HNF1A: variants seen among roughly 807,000 people sequenced by gnomAD.
The protein encoded by HNF1A is HNF1 homeobox A, also known as hepatocyte nuclear factor 1-alpha.
HNF1A carries 21 observed loss-of-function variants against 62.2 expected under a neutral mutation model. That is an observed-to-expected ratio of 0.34 (90% CI 0.24 to 0.49). The LOEUF (loss-of-function observed/expected upper bound fraction) is 0.49, where lower values mean the gene tolerates loss of function less well. HNF1A is among the 20% of genes least tolerant of loss of function. The pLI is 0.99. For missense variants in HNF1A, 687 were observed against 832.3 expected (o/e 0.83, Z 2.15); for synonymous variants, 374 against 366.8 (o/e 1.02, Z -0.22).
Position 120,984,995 on chromosome 12 carries a change from G to GA in HNF1A, c.327-3837dup, listed in dbSNP as rs1238879477. Among the ~76,000 whole-genome samples the GA allele has an allele frequency of 4.0e-5, 6 of 150,666 alleles. No individual in the cohort carries two copies. The East Asian group carries it at 1.2e-3, about 29-fold the overall frequency. On this transcript the variant is annotated intron_variant, in intron 1 of 9. Coordinates refer to ENST00000257555, the MANE Select transcript of HNF1A (RefSeq NM_000545.8). ...GGATTTCACTCTGTCGCCAAGGCTG[G>GA]AGTGCAGTGGCGCGATCACAGCTCA...
intron 2 of HNF1A, 100 bp downstream of exon 2, chr12:120,989,132 A>T: frequency 5.3e-6 from 6 of 1,135,886 alleles, no homozygotes; most frequent in Non-Finnish European, 7.8e-6. Context: ...CATTACACAG[A>T]CAGGTAGATG....
At chr12:120,981,317 G>A (rs537352187) in intron 1 of HNF1A, among the ~76,000 whole-genome samples, 1 of 152,294 alleles carries the variant, frequency 6.6e-6, no homozygotes, top group Non-Finnish European at 1.5e-5. Context: ...GCCTCCCTGG[G>A]GTGCCCCATG....
intron 2 of HNF1A, among the ~76,000 whole-genome samples, chr12:120,990,351 G>C (rs574378709): frequency 1.3e-5 from 2 of 151,598 alleles, no homozygotes; most frequent in African/African-American, 4.9e-5. Flanking sequence ...CCATGGTCTC[G>C]ATCTCCTGAC....
At chr12:120,983,916 C>CTGTGTGTGTGTGTGTGTGTG (rs61680384) in intron 1 of HNF1A, among the ~76,000 whole-genome samples, 2,758 of 137,228 alleles carry the variant, frequency 0.02, 52 homozygotes, top group African/African-American at 0.042. Context: ...CTTGAAGACT[C>CTGTGTGTGTGTGTGTGTGTG]TGTGTGTGTG....
chr12:120,981,126 C>A (rs1876229547), intron 1 of HNF1A, among the ~76,000 whole-genome samples: 1 of 151,392 alleles, frequency 6.6e-6, no homozygotes, highest in South Asian at 2.1e-4. Flanking sequence ...AAAGTGGGGC[C>A]TCCAGCGTCA....
chr12:120,982,521 C>T (rs934086342), intron 1 of HNF1A, among the ~76,000 whole-genome samples: 2 of 152,162 alleles, frequency 1.3e-5, no homozygotes, highest in Non-Finnish European at 2.9e-5. Flanking sequence ...CATCCTAATC[C>T]TAGCTCTGCC....
In HNF1A at chr12:121,001,132, A is replaced by C. The variant is rs1387763742; in HGVS notation, c.1836A>C (p.Pro612=). Residue 612 remains proline, a synonymous_variant, in exon 10 of 10, where the codon CCA becomes CCC. Coordinates refer to ENST00000257555, the MANE Select transcript of HNF1A (RefSeq NM_000545.8). ...DSSNGQSHLL[P]SNHSVIETFI... ...GCAATGGCCAGAGCCACCTGCTGCC[A>C]TCCAACCACAGCGTCATCGAGACCT... The C allele has an allele frequency of 6.2e-6, 10 of 1,614,076 alleles. No homozygotes were observed. Among genetic ancestry groups the C allele is most frequent in the South Asian group, 1.1e-5 (1 of 91,076 alleles).
Position 121,002,174 on chromosome 12 carries a change from G to T in HNF1A, c.*982G>T. ...GGCCAAGCTGAGGTGCCCAGGAGAA[G>T]AAAGAGGTGACCCCAGGGCACAGGA... On this transcript the variant is annotated 3_prime_UTR_variant, in exon 10 of 10. Transcript: ENST00000257555. 2.1e-6 allele frequency: 1 copy of T among 483,134 alleles called. No individual in the cohort carries two copies. The highest frequency in any genetic ancestry group is 4.0e-6 in the Non-Finnish European group (1 of 251,682). 29.9% of individuals were successfully genotyped at this position (483,134 alleles called of 1,614,324 possible).
chr12:120,999,212 G>C, intron 7 of HNF1A, 56 bp from the exon 8 acceptor site: 1 of 1,608,124 alleles, frequency 6.2e-7, no homozygotes, highest in South Asian at 1.1e-5. Flanking sequence ...TTGAGGCCTG[G>C]GACTAGGGCT....
intron 3 of HNF1A, among the ~76,000 whole-genome samples, 157 bp from the exon 4 acceptor site, chr12:120,994,007 A>G (rs1301920731): frequency 1.3e-5 from 2 of 152,174 alleles, no homozygotes; most frequent in African/African-American, 2.4e-5. Context: ...CAGACTGTCA[A>G]TTGCCCAAGG....
At chr12:120,981,656 C>T (rs542253017) in intron 1 of HNF1A, among the ~76,000 whole-genome samples, 5 of 152,318 alleles carry the variant, frequency 3.3e-5, no homozygotes, top group African/African-American at 7.2e-5. Flanking sequence ...TTCCCATGGC[C>T]GATTCCTTCT....
At position 120,978,956 on chromosome 12, in the gene HNF1A, G is replaced by T; in HGVS notation, c.188G>T (p.Gly63Val). ...GRGELAELPN[G>V]LGETRGSEDE... is the part of the protein sequence containing the mutation. ...GGGGAGCTGGCTGAGCTGCCCAATG[G>T]GCTGGGGGAGACTCGGGGCTCCGAG... Residue 63 changes from glycine to valine, a missense_variant, in exon 1 of 10, where the codon GGG becomes GTG. By Grantham distance (109) the Gly-to-Val change is moderately radical. This residue lies in a region of HNF1A where 159 missense variants were observed against 154.4 expected (regional missense o/e 1.03). Transcript: ENST00000257555. The T allele has an allele frequency of 1.2e-6, 2 of 1,609,232 alleles. No individual in the cohort carries two copies. Among genetic ancestry groups the T allele is most frequent in the Non-Finnish European group, 1.7e-6 (2 of 1,177,952 alleles).
At chr12:121,000,598 C>A (rs1314519950) in intron 9 of HNF1A, 1 of 239,382 alleles carries the variant, frequency 4.2e-6, no homozygotes, top group Admixed American at 5.1e-5. Flanking sequence ...AATTCTGCAG[C>A]CTTGAGGCAG....
chr12:120,999,204 G>A lies in HNF1A; in HGVS notation c.1502-64G>A, dbSNP rs919785127. 1.1e-5 allele frequency: 18 copies of A among 1,594,382 alleles called. No homozygotes were observed. In the African/African-American group the frequency reaches 1.5e-4, roughly 13 times the overall value. ...CCCATGCCCCCCTTTCCCCAGTCTTGAGGCCTGGGACTAGGGCTGTCAGGC... is the reference window on the plus strand; with the variant it reads ...CCCATGCCCCCCTTTCCCCAGTCTTAAGGCCTGGGACTAGGGCTGTCAGGC... On this transcript the variant is annotated intron_variant, in intron 7 of 9. Coordinates refer to ENST00000257555, the MANE Select transcript of HNF1A (RefSeq NM_000545.8).
At position 121,002,160 on chromosome 12, in the gene HNF1A, G is replaced by A; in HGVS notation, c.*968G>A. 1 of 499,312 alleles carries A rather than the reference G, an allele frequency of 2.0e-6. No individual in the cohort carries two copies. Among genetic ancestry groups the A allele is most frequent in the South Asian group, 1.7e-5 (1 of 59,582 alleles). 30.9% of individuals were successfully genotyped at this position (499,312 alleles called of 1,614,324 possible). ...AGGGCCGGGGAACTGGCCAAGCTGA[G>A]GTGCCCAGGAGAAGAAAGAGGTGAC... On this transcript the variant is annotated 3_prime_UTR_variant, in exon 10 of 10. Transcript: ENST00000257555.
At chr12:120,987,775 T>G (rs1054670368) in intron 1 of HNF1A, among the ~76,000 whole-genome samples, 1 of 143,812 alleles carries the variant, frequency 7.0e-6, no homozygotes, top group East Asian at 2.0e-4. Flanking sequence ...TCTATCTATC[T>G]ATCTATCTAT....
intron 7 of HNF1A, 38 bp downstream of exon 7, chr12:120,997,703 T>TA: frequency 6.3e-7 from 1 of 1,582,048 alleles, no homozygotes; most frequent in Non-Finnish European, 8.6e-7. Context: ...GAGATGATGA[T>TA]AGAGGTTGGC....
At chr12:120,988,721 A>G (rs1876660306) in intron 1 of HNF1A, 112 bp from the exon 2 acceptor site, 6 of 953,512 alleles carry the variant, frequency 6.3e-6, no homozygotes, top group African/African-American at 1.6e-5. Flanking sequence ...AACTGCTTTC[A>G]TGCACAGTCC....
intron 1 of HNF1A, 109 bp from the exon 2 acceptor site, chr12:120,988,724 C>T: frequency 1.0e-6 from 1 of 978,780 alleles, no homozygotes; most frequent in Non-Finnish European, 1.6e-6. Context: ...TGCTTTCATG[C>T]ACAGTCCCCA....
Sources: gnomAD v4.1 joint callset for allele counts (sites outside exome capture counted in the v4.1 genomes callset) on GRCh38, gnomAD v4.1.1 for gene constraint, gnomAD v4.1.1 regional missense constraint, MANE v1.5 for transcripts, NCBI Gene and HGNC (gene_info 2026-07-23, HGNC 2026-07-21) for gene names.